Variants in GRID2 observed in about 807,000 individuals in gnomAD.
GRID2 encodes the protein glutamate ionotropic receptor delta type subunit 2, also known as glutamate receptor ionotropic, delta-2.
A neutral mutation model predicts 114.8 loss-of-function variants in GRID2; 33 were observed. The observed-to-expected ratio is 0.29, with a 90% CI of 0.22 to 0.38. The LOEUF (loss-of-function observed/expected upper bound fraction) is 0.38. Among genes scored for constraint, GRID2 ranks in the 10% least tolerant of loss-of-function variants. The probability of loss-of-function intolerance (pLI) is 1.00; values close to 1 mark genes in which losing one functional copy is unlikely to be tolerated. For missense variants in GRID2, 1,184 were observed against 1,257.7 expected, an observed-to-expected ratio of 0.94 and a Z score of 0.89; for synonymous variants, 505 against 449.9, an observed-to-expected ratio of 1.12 and a Z score of -1.55.
At chr4:92,900,752 T>C (rs1023140183) in intron 2 of GRID2, among the ~76,000 whole-genome samples, 6 of 142,836 alleles carry the variant, frequency 4.2e-5, no homozygotes, top group Admixed American at 3.1e-4. Flanking sequence ...GAGAATGGCA[T>C]GAACCTGGGA....
At chr4:92,564,542 GA>G (rs1241642542) in intron 1 of GRID2, among the ~76,000 whole-genome samples, 1 of 151,946 alleles carries the variant, frequency 6.6e-6, no homozygotes, top group Non-Finnish European at 1.5e-5. Context: ...TGAAATTGAA[GA>G]AGGCCATCTC....
At chr4:93,139,097 A>G (rs1238740061) in intron 4 of GRID2, among the ~76,000 whole-genome samples, 2 of 152,242 alleles carry the variant, frequency 1.3e-5, no homozygotes, top group Non-Finnish European at 2.9e-5. Context: ...CAGTATCTCA[A>G]GAAGAGTATA....
chr4:92,565,079 A>G (rs1403514997), intron 1 of GRID2, among the ~76,000 whole-genome samples: 2 of 152,040 alleles, frequency 1.3e-5, no homozygotes, highest in Non-Finnish European at 2.9e-5. Context: ...AGTTTTGGCA[A>G]GTCACCTCAC....
chr4:93,405,801 A>G (rs1766352057), intron 9 of GRID2, among the ~76,000 whole-genome samples: 3 of 152,188 alleles, frequency 2.0e-5, no homozygotes, highest in Admixed American at 2.0e-4. Context: ...AGTAGTTTCA[A>G]CATAATCACA....
intron 1 of GRID2, among the ~76,000 whole-genome samples, chr4:92,518,472 T>G (rs1716815075): frequency 6.6e-6 from 1 of 151,900 alleles, no homozygotes; most frequent in South Asian, 2.1e-4. Context: ...ACTGCATCAT[T>G]CCACTTATAT....
At chr4:93,010,857 T>TTGTTTGAGTTTTCTTCATTTCCTTC (rs1722061064) in intron 2 of GRID2, among the ~76,000 whole-genome samples, 1 of 152,068 alleles carries the variant, frequency 6.6e-6, no homozygotes, top group Non-Finnish European at 1.5e-5. Flanking sequence ...TTCTGTTGTG[T>TTGTTTGAGTTTTCTTCATTTCCTTC]TGTTTGAGTT....
Position 93,466,035 on chromosome 4 carries a change from G to GCCCCA in GRID2, c.1858+10061_1858+10062insCCCCA, listed in dbSNP as rs572713635. 9.9e-4 allele frequency among the ~76,000 whole-genome samples: 150 copies of GCCCCA among 152,212 alleles called. 1 individual carries two copies. Among genetic ancestry groups the GCCCCA allele is most frequent in the African/African-American group, 3.5e-3 (147 of 41,536 alleles). On this transcript the variant is annotated intron_variant, in intron 11 of 15. Coordinates refer to ENST00000282020, the MANE Select transcript of GRID2 (RefSeq NM_001510.4). ...TAGTAAATTCTTTGGGGCTCATAAA[G>GCCCCA]ACTTAGGTTTTGGGGGGATTAATGT...
chr4:92,403,690 TC>T (rs1420255939), intron 1 of GRID2, among the ~76,000 whole-genome samples: 1 of 124,242 alleles, frequency 8.0e-6, no homozygotes, highest in Non-Finnish European at 1.6e-5. Flanking sequence ...AGACTCCATC[TC>T]AAAAATAAAT....
chr4:92,995,215 G>T (rs1458877292), intron 2 of GRID2, among the ~76,000 whole-genome samples: 1 of 151,948 alleles, frequency 6.6e-6, no homozygotes, highest in Admixed American at 6.6e-5. Flanking sequence ...GAGATTATTG[G>T]CTCACTTTTC....
intron 11 of GRID2, among the ~76,000 whole-genome samples, chr4:93,470,247 C>T (rs1484451981): frequency 6.6e-6 from 1 of 152,004 alleles, no homozygotes; most frequent in Non-Finnish European, 1.5e-5. Context: ...AACTTTCTTG[C>T]TACTAAATTA....
At chr4:93,083,965 T>G (rs1323561112) in intron 2 of GRID2, among the ~76,000 whole-genome samples, 2 of 152,100 alleles carry the variant, frequency 1.3e-5, no homozygotes, top group African/African-American at 2.4e-5. Flanking sequence ...AACTTACCAT[T>G]AAGTTTTCCT....
intron 2 of GRID2, among the ~76,000 whole-genome samples, chr4:92,687,347 G>T (rs1337340655): frequency 6.6e-6 from 1 of 151,734 alleles, no homozygotes; most frequent in Admixed American, 6.6e-5. Context: ...TATATATGTA[G>T]ATATATAGAT....
intron 14 of GRID2, among the ~76,000 whole-genome samples, chr4:93,757,943 C>T (rs1732893163): frequency 6.6e-6 from 1 of 151,640 alleles, no homozygotes. Flanking sequence ...GGAAACAGGG[C>T]GAGACTCCGT....
At chr4:93,795,364 T>C (rs1418278053) in intron 1 of GRID2, among the ~76,000 whole-genome samples, 2 of 151,868 alleles carry the variant, frequency 1.3e-5, no homozygotes, top group African/African-American at 4.8e-5. Context: ...ATGTTATATA[T>C]TATTTTAAAA....
At chr4:93,712,198 CTTATT>C (rs1728546238) in intron 14 of GRID2, among the ~76,000 whole-genome samples, 1 of 151,792 alleles carries the variant, frequency 6.6e-6, no homozygotes, top group Admixed American at 6.6e-5. Context: ...ATATTTCTTT[CTTATT>C]TAAGAAATCA....
At chr4:92,384,790 T>C (rs1400893017) in intron 1 of GRID2, among the ~76,000 whole-genome samples, 1 of 147,172 alleles carries the variant, frequency 6.8e-6, no homozygotes, top group African/African-American at 2.5e-5. Flanking sequence ...TAATAAGTGT[T>C]AGGTAGTTTT....
chr4:92,812,114 C>A (rs1257796311), intron 2 of GRID2, among the ~76,000 whole-genome samples: 1 of 152,092 alleles, frequency 6.6e-6, no homozygotes, highest in Non-Finnish European at 1.5e-5. Flanking sequence ...CGTGAATGAA[C>A]ATTGTTTTTA....
chr4:93,164,057 G>A (rs1013687049), intron 4 of GRID2, among the ~76,000 whole-genome samples: 7 of 151,906 alleles, frequency 4.6e-5, no homozygotes, highest in Middle Eastern at 6.8e-3. Context: ...TTCATCACAC[G>A]TGAACTTGGT....
At chr4:92,423,677 A>G (rs541787579) in intron 1 of GRID2, among the ~76,000 whole-genome samples, 1 of 152,254 alleles carries the variant, frequency 6.6e-6, no homozygotes, top group African/African-American at 2.4e-5. Context: ...TTCCTTCACA[A>G]CAGATTTGAG....
Sources: gnomAD v4.1 joint callset for allele counts (sites outside exome capture counted in the v4.1 genomes callset) on GRCh38, gnomAD v4.1.1 for gene constraint, MANE v1.5 for transcripts, NCBI Gene and HGNC (gene_info 2026-07-23, HGNC 2026-07-21) for gene names.